The following AMBRA1 variants were observed in gnomAD, a reference collection of about 807,000 sequenced individuals.
The protein encoded by AMBRA1 is activating molecule in BECN1-regulated autophagy protein 1.
A neutral mutation model predicts 125.4 loss-of-function variants in AMBRA1; 47 were observed. That is an observed-to-expected ratio of 0.37 (90% confidence interval 0.30 to 0.48). The LOEUF is 0.48. Ranked by LOEUF, AMBRA1 falls within the 20% of genes least tolerant of loss-of-function variation. The probability of loss-of-function intolerance (pLI) is 0.99; values close to 1 mark genes in which losing one functional copy is unlikely to be tolerated. For missense variants in AMBRA1, 1,331 were observed against 1,693.4 expected (o/e 0.79, Z 3.76); for synonymous variants, 626 against 655.5 (o/e 0.95, Z 0.69).
chr11:46,401,239 G>C (rs1216621772), intron 17 of AMBRA1, among the ~76,000 whole-genome samples: 1 of 133,596 alleles, frequency 7.5e-6, no homozygotes, highest in Non-Finnish European at 1.7e-5. Context: ...GCTGTGCCTA[G>C]TGAATTCTCA....
chr11:46,519,287 A>G, intron 7 of AMBRA1, among the ~76,000 whole-genome samples: 1 of 152,060 alleles, frequency 6.6e-6, no homozygotes. Context: ...GCCTCCCAAC[A>G]TGCTGGGATT....
chr11:46,560,351 T>A (rs1344417700), intron 1 of AMBRA1, among the ~76,000 whole-genome samples: 1 of 152,208 alleles, frequency 6.6e-6, no homozygotes, highest in Non-Finnish European at 1.5e-5. Context: ...CTGAGTAAAT[T>A]CTAATTACTG....
At chr11:46,503,696 T>C (rs747226018) in intron 9 of AMBRA1, among the ~76,000 whole-genome samples, 2 of 152,180 alleles carry the variant, frequency 1.3e-5, no homozygotes, top group Non-Finnish European at 2.9e-5. Flanking sequence ...GACCCAAATA[T>C]AAGCAAATTA....
intron 11 of AMBRA1, among the ~76,000 whole-genome samples, chr11:46,463,320 T>C (rs1223878938): frequency 6.6e-6 from 1 of 152,180 alleles, no homozygotes; most frequent in Non-Finnish European, 1.5e-5. Context: ...TGAATCCCCA[T>C]AGTACATTAT....
chr11:46,510,112 T>G (rs1426029973), intron 8 of AMBRA1, among the ~76,000 whole-genome samples: 1 of 152,120 alleles, frequency 6.6e-6, no homozygotes, highest in African/African-American at 2.4e-5. Context: ...TCTTTTAAAC[T>G]CAAAAGTCTG....
intron 17 of AMBRA1, 147 bp from the exon 18 acceptor site, chr11:46,398,090 G>T (rs908932894): frequency 8.8e-7 from 1 of 1,142,848 alleles, no homozygotes; most frequent in Non-Finnish European, 1.2e-6. Flanking sequence ...AAACCAATCC[G>T]AGTCTTGAAA....
intron 5 of AMBRA1, 124 bp downstream of exon 5, chr11:46,545,480 G>C: frequency 2.6e-6 from 3 of 1,151,894 alleles, no homozygotes; most frequent in Non-Finnish European, 2.4e-6. Context: ...AATAGGAGGA[G>C]CTATGAGGAT....
chr11:46,416,961 G>A (rs1188579025), intron 15 of AMBRA1, among the ~76,000 whole-genome samples: 1 of 152,186 alleles, frequency 6.6e-6, no homozygotes, highest in Non-Finnish European at 1.5e-5. Flanking sequence ...GCCAGAGGAA[G>A]GGGAAGGGGT....
chr11:46,469,572 C>A (rs1357228642), intron 11 of AMBRA1, among the ~76,000 whole-genome samples: 2 of 152,086 alleles, frequency 1.3e-5, no homozygotes, highest in African/African-American at 4.8e-5. Flanking sequence ...AAAATATGTA[C>A]AATGAAAATA....
intron 11 of AMBRA1, among the ~76,000 whole-genome samples, chr11:46,487,008 A>T (rs150455671): frequency 2.0e-5 from 3 of 152,242 alleles, no homozygotes; most frequent in African/African-American, 4.8e-5. Context: ...CTGTAATCCC[A>T]GCACTTTGTG....
intron 11 of AMBRA1, among the ~76,000 whole-genome samples, chr11:46,455,180 C>T (rs749543130): frequency 6.6e-6 from 1 of 152,138 alleles, no homozygotes; most frequent in Admixed American, 6.5e-5. Flanking sequence ...AGCCACTGCA[C>T]CCAGCATAGG....
rs1945520318 is a variant in AMBRA1 at position 46,397,645 on chromosome 11, G to C, written c.3702C>G (p.Asp1234Glu). 1 of 1,612,866 alleles carries C rather than the reference G, an allele frequency of 6.2e-7. No individual in the cohort carries two copies. Residue 1234 changes from aspartate (D) to glutamate (E), a missense_variant, in exon 18 of 18, where the codon GAC becomes GAG. Around this residue, in one of 4 missense-constraint regions of AMBRA1, gnomAD observed 144 missense variants for 133.9 expected, o/e 1.08. Coordinates refer to ENST00000683756, the MANE Select transcript of AMBRA1 (RefSeq NM_001387011.1). ...GCTCCCGCCCAGGGGTACCAGGCTG[G>C]TCCCAGGAAGCTGTCCGGGGGCTTA... ...RGLSPRTASWDQPGTPGREPT... is the reference protein window; with the variant it reads ...RGLSPRTASWEQPGTPGREPT...
At chr11:46,509,064 AAG>A (rs1347531537) in intron 8 of AMBRA1, among the ~76,000 whole-genome samples, 2 of 152,364 alleles carry the variant, frequency 1.3e-5, no homozygotes, top group Admixed American at 6.5e-5. Flanking sequence ...AAAAAAATAA[AAG>A]AGATTTTTTT....
Position 46,512,748 on chromosome 11 carries a change from G to A in AMBRA1, c.2138C>T (p.Pro713Leu). The change falls in exon 8 of 18, where the codon CCA becomes CTA. Residue 713 changes from proline (P) to leucine (L), a missense_variant. Pro to Leu is a moderately conservative substitution (Grantham distance 98, BLOSUM62 -3). Transcript: ENST00000683756. ...TTACCTCGCTGGGTCTGGGTAAATTGGGTGCTCTCTGGATCCTGCTCCATC... is the reference window on the plus strand; with the variant it reads ...TTACCTCGCTGGGTCTGGGTAAATTAGGTGCTCTCTGGATCCTGCTCCATC... ...RYDGAGSREH[P>L]IYPDPARLSP... 6.2e-7 allele frequency: 1 copy of A among 1,613,368 alleles called. No homozygotes were observed. The highest frequency in any genetic ancestry group is 8.5e-7 in the Non-Finnish European group (1 of 1,179,656).
chr11:46,443,563 T>C lies in AMBRA1; in HGVS notation c.2557A>G (p.Ser853Gly), dbSNP rs917536036. 6.2e-7 allele frequency: 1 copy of C among 1,614,196 alleles called. No individual in the cohort carries two copies. The highest frequency in any genetic ancestry group is 1.7e-5 in the Admixed American group (1 of 60,022). The change falls in exon 12 of 18, where the codon AGT (serine) becomes GGT (glycine). Residue 853 changes from serine (S) to glycine (G), a missense_variant. Ser to Gly is a moderately conservative substitution (Grantham distance 56, BLOSUM62 0). This residue lies in a region of AMBRA1 where 354 missense variants were observed against 532.7 expected (regional missense o/e 0.66). Transcript: ENST00000683756. ...VIGDGQSAVA[S>G]NIANTTYRLQ... Reference sequence around the variant, plus strand: ...CGGTAGGTAGTATTGGCAATGTTACTGGCCACAGCAGACTGTCCATCACCG... The same window carrying C: ...CGGTAGGTAGTATTGGCAATGTTACCGGCCACAGCAGACTGTCCATCACCG...
chr11:46,564,156 A>C (rs2043436613), intron 1 of AMBRA1, among the ~76,000 whole-genome samples: 1 of 151,564 alleles, frequency 6.6e-6, no homozygotes, highest in Non-Finnish European at 1.5e-5. Context: ...AAAAAAAAAA[A>C]AAAAAAAACG....
chr11:46,549,478 G>GT (rs1018568045), intron 1 of AMBRA1, among the ~76,000 whole-genome samples: 33 of 151,858 alleles, frequency 2.2e-4, no homozygotes, highest in East Asian at 9.6e-4. Flanking sequence ...TGAGGTTGGT[G>GT]TTTTTTTTGT....
chr11:46,561,565 A>G (rs554987259), intron 1 of AMBRA1, among the ~76,000 whole-genome samples: 1 of 152,324 alleles, frequency 6.6e-6, no homozygotes, highest in East Asian at 1.9e-4. Flanking sequence ...CAGGATTTGA[A>G]TTCAGGCTTT....
At chr11:46,407,546 T>C (rs1158380876) in intron 17 of AMBRA1, among the ~76,000 whole-genome samples, 1 of 152,226 alleles carries the variant, frequency 6.6e-6, no homozygotes, top group Admixed American at 6.5e-5. Flanking sequence ...CTTATGGTCA[T>C]GGCCCCAGCG....
Sources: allele counts gnomAD v4.1 joint callset (sites outside exome capture counted in the v4.1 genomes callset), GRCh38; gene constraint gnomAD v4.1.1; regional missense constraint gnomAD v4.1.1; transcripts MANE v1.5; gene names NCBI Gene and HGNC (gene_info 2026-07-23, HGNC 2026-07-21).